NXPE2: variants seen among roughly 807,000 people sequenced by gnomAD.
NXPE2 encodes the protein NXPE family member 2.
NXPE2 carries 34 observed loss-of-function variants against 34.4 expected under a neutral mutation model. That is an observed-to-expected ratio of 0.99 (90% CI 0.75 to 1.31). NXPE2 has a LOEUF of 1.31. Among genes scored for constraint, NXPE2 ranks in the 40% most tolerant of loss-of-function variants. NXPE2 has a pLI of 0.00. For synonymous variants in NXPE2, 235 were observed against 231.3 expected (o/e 1.02, Z -0.15); for missense variants, 649 against 672.5 (o/e 0.97, Z 0.39).
the NXPE2 span, among the ~76,000 whole-genome samples, chr11:114,610,545 G>A: frequency 2.8e-5 from 4 of 143,794 alleles, no homozygotes; most frequent in African/African-American, 5.8e-5. Flanking sequence ...GATAATAAGT[G>A]TTGCCTCGTG....
chr11:114,613,390 C>T, the NXPE2 span, among the ~76,000 whole-genome samples: 1 of 151,396 alleles, frequency 6.6e-6, no homozygotes, highest in Non-Finnish European at 1.5e-5. Context: ...ATAAGTGTTG[C>T]CTCGTGGGTG....
the NXPE2 span, among the ~76,000 whole-genome samples, chr11:114,564,416 TA>T: frequency 6.6e-6 from 1 of 152,078 alleles, no homozygotes; most frequent in Non-Finnish European, 1.5e-5. Flanking sequence ...TAATCACAAA[TA>T]ATCATCCTAA....
At chr11:114,545,526 A>G in the NXPE2 span, among the ~76,000 whole-genome samples, 1 of 152,178 alleles carries the variant, frequency 6.6e-6, no homozygotes, top group Non-Finnish European at 1.5e-5. Flanking sequence ...GGTTCTATAG[A>G]GATCAAAAAC....
At chr11:114,615,354 G>T in the NXPE2 span, among the ~76,000 whole-genome samples, 1 of 151,900 alleles carries the variant, frequency 6.6e-6, no homozygotes, top group Admixed American at 6.6e-5. Flanking sequence ...GTTTTGCCTC[G>T]TGGATAACCA....
chr11:114,762,133 G>A, the NXPE2 span, among the ~76,000 whole-genome samples: 1 of 152,146 alleles, frequency 6.6e-6, no homozygotes, highest in Admixed American at 6.5e-5. Flanking sequence ...GGAGGGAAAG[G>A]GCTTATAGAA....
chr11:114,652,090 AT>A, the NXPE2 span, among the ~76,000 whole-genome samples: 3 of 151,840 alleles, frequency 2.0e-5, no homozygotes, highest in South Asian at 2.1e-4. Flanking sequence ...CAATACTTAA[AT>A]TTTTTTTTAA....
chr11:114,568,940 C>G, the NXPE2 span, among the ~76,000 whole-genome samples: 37,647 of 151,622 alleles, frequency 0.25, 4,913 homozygotes, highest in East Asian at 0.44. Flanking sequence ...GACTATATAC[C>G]TAAAGACTAG....
chr11:114,541,847 AAT>A, the NXPE2 span, among the ~76,000 whole-genome samples: 26 of 152,330 alleles, frequency 1.7e-4, no homozygotes, highest in South Asian at 5.4e-3. Context: ...CTGAGATAAA[AAT>A]ATATCTCTTA....
the NXPE2 span, among the ~76,000 whole-genome samples, chr11:114,653,518 C>CTTG: frequency 6.7e-6 from 1 of 148,936 alleles, no homozygotes; most frequent in Non-Finnish European, 1.5e-5. Flanking sequence ...TAGGACTACC[C>CTTG]TTGTCCTGCT....
At chr11:114,631,038 G>A in the NXPE2 span, among the ~76,000 whole-genome samples, 1 of 151,702 alleles carries the variant, frequency 6.6e-6, no homozygotes, top group East Asian at 1.9e-4. Context: ...GTGCTGGAGA[G>A]GATGTGGAGA....
the NXPE2 span, chr11:114,594,751 T>G: frequency 9.2e-6 from 14 of 1,516,476 alleles, no homozygotes; most frequent in South Asian, 1.6e-4. Flanking sequence ...TTATCATACT[T>G]ATTTTCATGA....
At chr11:114,805,454 C>G in the NXPE2 span, among the ~76,000 whole-genome samples, 1 of 152,206 alleles carries the variant, frequency 6.6e-6, no homozygotes, top group Non-Finnish European at 1.5e-5. Context: ...AAAGGGGTGA[C>G]AGACACCACC....
the NXPE2 span, among the ~76,000 whole-genome samples, chr11:114,486,285 T>C: frequency 1.3e-5 from 2 of 152,214 alleles, no homozygotes; most frequent in Non-Finnish European, 2.9e-5. Flanking sequence ...CTGTTTGCCA[T>C]TGGTATGTCT....
chr11:114,739,445 TCCTC>T, the NXPE2 span, among the ~76,000 whole-genome samples: 1 of 140,448 alleles, frequency 7.1e-6, no homozygotes, highest in Non-Finnish European at 1.6e-5. Flanking sequence ...CTTCCTACCT[TCCTC>T]CCTCCCTCCC....
At chr11:114,806,709 G>A in the NXPE2 span, among the ~76,000 whole-genome samples, 405 of 152,110 alleles carry the variant, frequency 2.7e-3, 1 homozygote, top group African/African-American at 8.4e-3. Flanking sequence ...CCAAATCTAC[G>A]TCTGATTGGT....
chr11:114,560,505 G>A, the NXPE2 span, among the ~76,000 whole-genome samples: 101 of 152,100 alleles, frequency 6.6e-4, no homozygotes, highest in Non-Finnish European at 1.1e-3. Context: ...GGGCTCAAGT[G>A]GTCTGTCTTC....
the NXPE2 span, among the ~76,000 whole-genome samples, chr11:114,576,031 C>T: frequency 6.6e-6 from 1 of 152,044 alleles, no homozygotes. Context: ...GAATACAGAA[C>T]CCAGAAATAA....
the NXPE2 span, chr11:114,527,738 C>T: frequency 1.5e-5 from 10 of 676,224 alleles, no homozygotes; most frequent in African/African-American, 3.7e-5. Flanking sequence ...ACATCATAGA[C>T]ATCTGCTAGG....
the NXPE2 span, among the ~76,000 whole-genome samples, chr11:114,747,891 T>G: frequency 6.6e-6 from 1 of 152,200 alleles, no homozygotes; most frequent in African/African-American, 2.4e-5. Flanking sequence ...AGTACAGTTG[T>G]CAGGCTGTAC....
Sources: allele counts gnomAD v4.1 joint callset (sites outside exome capture counted in the v4.1 genomes callset), GRCh38; gene constraint gnomAD v4.1.1; transcripts MANE v1.5; gene names NCBI Gene and HGNC (gene_info 2026-07-23, HGNC 2026-07-21).